The following ENDOV variants were observed in gnomAD, a reference collection of about 807,000 sequenced individuals.
ENDOV encodes hEndoV.
Under a neutral mutation model 39.4 loss-of-function variants are expected in ENDOV, and 37 were observed. That is an observed-to-expected ratio of 0.94 (90% CI 0.72 to 1.23). ENDOV has a LOEUF of 1.23. Ranked by LOEUF, ENDOV falls within the 50% of genes most tolerant of loss-of-function variation. The pLI is 0.00. For synonymous variants in ENDOV, 186 were observed against 163.4 expected (o/e 1.14, Z -1.05); for missense variants, 441 against 375.7 (o/e 1.17, Z -1.44).
Position 80,436,444 on chromosome 17 carries a change from C to A in ENDOV, c.*301C>A. ...TGCTCTTCATCCAGCTGAAGACGGTCCCTTCTAGTCCTAATTTGTTAAGTG... is the reference window on the plus strand; with the variant it reads ...TGCTCTTCATCCAGCTGAAGACGGTACCTTCTAGTCCTAATTTGTTAAGTG... On this transcript the variant is annotated 3_prime_UTR_variant, in exon 10 of 10. Coordinates refer to ENST00000518137, the MANE Select transcript of ENDOV (RefSeq NM_173627.5). The A allele has an allele frequency of 1.8e-6, 2 of 1,127,662 alleles. No homozygotes were observed. The highest frequency in any genetic ancestry group is 2.3e-6 in the Non-Finnish European group (2 of 855,572). The allele number at this position is 1,127,662 out of a possible 1,614,324, so 69.9% of individuals were successfully genotyped here.
Position 80,436,303 on chromosome 17 carries a change from C to G in ENDOV, c.*160C>G, listed in dbSNP as rs1189137536. Reference sequence around the variant, plus strand: ...GTGGTGAGAGCACACGTCCTCGTCTCGTTCCTGATCGAACGTGGTGGTGAG... The same window carrying G: ...GTGGTGAGAGCACACGTCCTCGTCTGGTTCCTGATCGAACGTGGTGGTGAG... On this transcript the variant is annotated 3_prime_UTR_variant, in exon 10 of 10. Transcript: ENST00000518137. 4.5e-6 allele frequency: 7 copies of G among 1,550,256 alleles called. No homozygotes were observed. The highest frequency in any genetic ancestry group is 4.3e-6 in the Non-Finnish European group (5 of 1,150,466).
chr17:80,428,544 A>C (rs2083010361), intron 7 of ENDOV, 52 bp from the exon 8 acceptor site: 1 of 1,527,108 alleles, frequency 6.5e-7, no homozygotes, highest in African/African-American at 1.4e-5. Flanking sequence ...TCCTGGTGGG[A>C]AACTGGTCTA....
intron 9 of ENDOV, among the ~76,000 whole-genome samples, chr17:80,434,461 A>C (rs888247361): frequency 1.3e-5 from 2 of 152,172 alleles, no homozygotes; most frequent in Non-Finnish European, 2.9e-5. Flanking sequence ...ATATATACCT[A>C]GGAGTAGAAT....
At position 80,421,940 on chromosome 17, in the gene ENDOV, A is replaced by G. The variant is rs41298706; in HGVS notation, c.341A>G (p.Lys114Arg). ...GAGCTGGTGCAGCAGCTGCGGGAGA[A>G]GGAGCCGGGCCTCATGCCCCAGGCA... ...LLELVQQLRE[K>R]EPGLMPQVLL... Residue 114 changes from lysine (K) to arginine (R), a missense_variant, in exon 3 of 10, where the codon AAG (lysine) becomes AGG (arginine). Coordinates refer to ENST00000518137, the MANE Select transcript of ENDOV (RefSeq NM_173627.5). The G allele has an allele frequency of 3.3e-4, 524 of 1,610,084 alleles. 1 individual carries two copies. The East Asian group carries it at 0.012, about 36-fold the overall frequency.
chr17:80,430,034 G>A (rs1161024831), intron 9 of ENDOV: 3 of 1,535,754 alleles, frequency 2.0e-6, no homozygotes. Flanking sequence ...CCTCATCTCA[G>A]CCGCAGGTGG....
intron 2 of ENDOV, chr17:80,419,350 A>G: frequency 3.9e-6 from 2 of 516,782 alleles, no homozygotes; most frequent in Non-Finnish European, 7.0e-6. Flanking sequence ...TGTCCTTAGC[A>G]TCCCTGACAA....
intron 7 of ENDOV, 32 bp downstream of exon 7, chr17:80,425,652 C>G (rs957405563): frequency 6.4e-7 from 1 of 1,550,662 alleles, no homozygotes; most frequent in Non-Finnish European, 8.7e-7. Context: ...GGAGGCAGCA[C>G]AGGCTCCTCT....
chr17:80,422,576 G>A (rs1217832963), intron 4 of ENDOV, among the ~76,000 whole-genome samples: 1 of 152,238 alleles, frequency 6.6e-6, no homozygotes, highest in Non-Finnish European at 1.5e-5. Flanking sequence ...CGGGCTCAGA[G>A]TGGCCTTCCC....
In ENDOV at chr17:80,423,539, C is replaced by T; in HGVS notation, c.423C>T (p.His141=). ...TGGCAGGCTTTGGGGTGGCCTGCCA[C>T]CTTGGCGTCCTTACAGACCTGCCGT... ...LHHRGFGVAC[H]LGVLTDLPCV... is the part of the protein sequence containing the mutation. The change falls in exon 5 of 10, where the codon CAC becomes CAT. Residue 141 remains histidine, a synonymous_variant. Transcript: ENST00000518137. 1.3e-6 allele frequency: 2 copies of T among 1,552,976 alleles called. No homozygotes were observed. The highest frequency in any genetic ancestry group is 1.7e-6 in the Non-Finnish European group (2 of 1,148,084).
chr17:80,422,994 C>T (rs973143887), intron 4 of ENDOV, among the ~76,000 whole-genome samples: 27 of 150,930 alleles, frequency 1.8e-4, no homozygotes, highest in East Asian at 7.9e-4. Flanking sequence ...CCACCGCGCC[C>T]GGCCTAGGGA....
intron 2 of ENDOV, among the ~76,000 whole-genome samples, chr17:80,416,779 C>G (rs1291898948): frequency 6.7e-6 from 1 of 150,290 alleles, no homozygotes; most frequent in Admixed American, 6.6e-5. Flanking sequence ...TTCCCCTTCC[C>G]CCACTCTGTG....
chr17:80,424,684 G>A (rs41299824), intron 5 of ENDOV, among the ~76,000 whole-genome samples: 47 of 152,296 alleles, frequency 3.1e-4, no homozygotes, highest in Non-Finnish European at 4.4e-4. Flanking sequence ...GGCCGGTTGC[G>A]GTGGCTCACT....
At position 80,426,430 on chromosome 17, in the gene ENDOV, C is replaced by T. The variant is rs2082691365; in HGVS notation, c.714+810C>T. ...TTGGGAGACAGAGGTGGGAGGATCA[C>T]TTGAGCCCAGGAGTTTGAGGGCGCC... On this transcript the variant is annotated intron_variant, in intron 7 of 9. Coordinates refer to ENST00000518137, the MANE Select transcript of ENDOV (RefSeq NM_173627.5). Among the ~76,000 whole-genome samples the T allele has an allele frequency of 2.6e-5, 4 of 152,192 alleles. No individual in the cohort carries two copies. The South Asian group carries it at 8.3e-4, about 31-fold the overall frequency.
chr17:80,436,051 G>A, intron 9 of ENDOV, 82 bp from the exon 10 acceptor site: 4 of 1,497,028 alleles, frequency 2.7e-6, no homozygotes, highest in East Asian at 4.6e-5. Flanking sequence ...CACTGCACCT[G>A]GCCCATTTCC....
intron 9 of ENDOV, among the ~76,000 whole-genome samples, chr17:80,431,106 A>G (rs932705335): frequency 6.6e-6 from 1 of 152,170 alleles, no homozygotes; most frequent in Admixed American, 6.5e-5. Flanking sequence ...TGACCTCTAC[A>G]AGAAGGGGCC....
intron 5 of ENDOV, chr17:80,424,393 CG>C (rs1235811663): frequency 2.5e-6 from 1 of 398,212 alleles, no homozygotes; most frequent in Non-Finnish European, 4.4e-6. Context: ...AGGAAGGAAG[CG>C]GGCTCAGCAC....
intron 2 of ENDOV, chr17:80,418,317 C>T (rs916052185): frequency 3.9e-5 from 6 of 152,228 alleles, no homozygotes; most frequent in Admixed American, 2.6e-4. Context: ...TCCAACTTCT[C>T]CTGGCTGCAA....
intron 2 of ENDOV, chr17:80,419,826 C>G (rs562495399): frequency 4.5e-5 from 28 of 619,624 alleles, no homozygotes; most frequent in Middle Eastern, 2.7e-4. Context: ...GTCCCTAGAC[C>G]TAACTGTCAC....
At position 80,436,639 on chromosome 17, in the gene ENDOV, A is replaced by T; in HGVS notation, c.*496A>T. The stretch of plus-strand genomic sequence containing the variant: ...CTCGGTCATGGTGTATAATCCATTT[A>T]CTCTGCTGCTGAATGTGATTTGCTT... On this transcript the variant is annotated 3_prime_UTR_variant, in exon 10 of 10. Coordinates refer to ENST00000518137, the MANE Select transcript of ENDOV (RefSeq NM_173627.5). 4.7e-6 allele frequency: 1 copy of T among 211,838 alleles called. No homozygotes were observed. 13.1% of individuals were successfully genotyped at this position (211,838 alleles called of 1,614,324 possible). A position where few individuals can be genotyped will look rare whatever the true frequency, so the allele number is the denominator to read the frequency against.
Sources: gnomAD v4.1 joint callset for allele counts (sites outside exome capture counted in the v4.1 genomes callset) on GRCh38, gnomAD v4.1.1 for gene constraint, MANE v1.5 for transcripts, NCBI Gene and HGNC (gene_info 2026-07-23, HGNC 2026-07-21) for gene names.